The following THAP8 variants were observed in gnomAD, a reference collection of about 807,000 sequenced individuals.
The protein encoded by THAP8 is THAP domain containing 8, also known as THAP domain-containing protein 8.
Under a neutral mutation model 25.0 loss-of-function variants are expected in THAP8, and 24 were observed. The observed-to-expected ratio is 0.96, with a 90% CI of 0.69 to 1.35. The LOEUF (loss-of-function observed/expected upper bound fraction) is 1.35, where lower values mean the gene tolerates loss of function less well. THAP8 is among the 40% of genes most tolerant of loss of function. The pLI is 0.00. For missense variants in THAP8, 399 were observed against 368.8 expected (o/e 1.08, Z -0.67); for synonymous variants, 169 against 157.6 (o/e 1.07, Z -0.54).
intron 1 of THAP8, among the ~76,000 whole-genome samples, chr19:36,048,842 A>T (rs1214366530): frequency 4.3e-5 from 3 of 69,186 alleles, no homozygotes; most frequent in South Asian, 8.8e-4. Flanking sequence ...CCCCTTCTTT[A>T]AAAAAAAAAA....
chr19:36,050,934 G>T (rs1046958386), intron 1 of THAP8, among the ~76,000 whole-genome samples: 1 of 152,176 alleles, frequency 6.6e-6, no homozygotes, highest in African/African-American at 2.4e-5. Context: ...CCTACTATGT[G>T]CCAGGCAATA....
At chr19:36,052,582 A>G (rs1325129457) in intron 1 of THAP8, among the ~76,000 whole-genome samples, 1 of 152,238 alleles carries the variant, frequency 6.6e-6, no homozygotes, top group African/African-American at 2.4e-5. Context: ...AGATTGCCTC[A>G]AAGCAAATCA....
At chr19:36,036,016 A>G (rs1004394806) in intron 3 of THAP8, among the ~76,000 whole-genome samples, 1 of 152,094 alleles carries the variant, frequency 6.6e-6, no homozygotes, top group Non-Finnish European at 1.5e-5. Flanking sequence ...GGGATAGATG[A>G]GTAGGAGACA....
upstream of THAP8, chr19:36,054,441 A>G: frequency 1.6e-6 from 1 of 606,186 alleles, no homozygotes; most frequent in Non-Finnish European, 2.9e-6. Context: ...CATAGCGAGT[A>G]CTGTGCACCT....
At chr19:36,039,253 C>T in intron 3 of THAP8, 70 bp downstream of exon 3, 1 of 1,395,284 alleles carries the variant, frequency 7.2e-7, no homozygotes, top group Non-Finnish European at 9.3e-7. Flanking sequence ...GGATCCTAGA[C>T]AAAATGAAAA....
Position 36,039,678 on chromosome 19 carries a change from G to A in THAP8, c.317C>T (p.Pro106Leu), listed in dbSNP as rs980689276. The A allele has an allele frequency of 5.2e-5, 79 of 1,525,770 alleles. No homozygotes were observed. Among genetic ancestry groups the A allele is most frequent in the East Asian group, 1.7e-4 (7 of 40,760 alleles). 94.5% of individuals were successfully genotyped at this position (1,525,770 alleles called of 1,614,324 possible). A position where few individuals can be genotyped will look rare whatever the true frequency, so the allele number is the denominator to read the frequency against. Reference protein sequence around the residue: ...RTRSTQKPVSPPPPLQKNTPL... With the variant: ...RTRSTQKPVSLPPPLQKNTPL... ...TGTATTCTTCTGTAGGGGAGGCGGC[G>A]GCGAGACTGGCTTCTGGGTGCTTCG... Residue 106 changes from proline to leucine, a missense_variant, in exon 3 of 4, where the codon CCG becomes CTG. Transcript: ENST00000292894.
At chr19:36,043,027 C>T (rs1312869435) in intron 1 of THAP8, among the ~76,000 whole-genome samples, 2 of 152,074 alleles carry the variant, frequency 1.3e-5, no homozygotes, top group African/African-American at 4.8e-5. Context: ...CCCCTGGGTT[C>T]AAGCGACTCT....
chr19:36,040,137 C>A lies in THAP8; in HGVS notation c.84-1G>T. The A allele has an allele frequency of 6.2e-7, 1 of 1,600,776 alleles. No homozygotes were observed. The highest frequency in any genetic ancestry group is 1.1e-5 in the South Asian group (1 of 90,814). ...CCGGGGACCATCCTTCAGTGGGAAC[C>A]TGCATGGGTGGTTGGGGGGCTGGGT... On this transcript the variant is annotated splice_acceptor_variant, in intron 1 of 3. Transcript: ENST00000292894. LOFTEE classifies it high-confidence loss of function.
chr19:36,052,739 T>C (rs2145463924), intron 1 of THAP8, among the ~76,000 whole-genome samples: 1 of 152,340 alleles, frequency 6.6e-6, no homozygotes, highest in African/African-American at 2.4e-5. Flanking sequence ...AGGGACTGCT[T>C]TTCTGTGTCA....
intron 1 of THAP8, among the ~76,000 whole-genome samples, chr19:36,053,911 C>G (rs573381761): frequency 6.6e-6 from 1 of 152,114 alleles, no homozygotes; most frequent in Non-Finnish European, 1.5e-5. Context: ...CACTCTTCGG[C>G]TCGCTTCGCT....
chr19:36,036,966 T>C (rs1341798278), intron 3 of THAP8, among the ~76,000 whole-genome samples: 1 of 145,506 alleles, frequency 6.9e-6, no homozygotes, highest in Non-Finnish European at 1.5e-5. Context: ...AAAAATCGGA[T>C]ACTCCTTAAC....
At chr19:36,037,275 CA>C (rs1969496114) in intron 3 of THAP8, among the ~76,000 whole-genome samples, 2 of 147,158 alleles carry the variant, frequency 1.4e-5, no homozygotes, top group African/African-American at 2.5e-5. Flanking sequence ...CACACACACA[CA>C]CACCTTCCTC....
intron 1 of THAP8, among the ~76,000 whole-genome samples, chr19:36,050,749 T>C (rs1970032904): frequency 6.6e-6 from 1 of 152,184 alleles, no homozygotes. Context: ...CTCCAAGAAA[T>C]ACTCAAAAAG....
intron 3 of THAP8, among the ~76,000 whole-genome samples, chr19:36,036,248 G>A (rs1969437686): frequency 6.7e-6 from 1 of 149,738 alleles, no homozygotes; most frequent in African/African-American, 2.5e-5. Context: ...TGCTAGATAT[G>A]CAGAGCCTTC....
At chr19:36,050,937 A>C (rs1303492802) in intron 1 of THAP8, among the ~76,000 whole-genome samples, 1 of 152,236 alleles carries the variant, frequency 6.6e-6, no homozygotes, top group Non-Finnish European at 1.5e-5. Context: ...ACTATGTGCC[A>C]GGCAATATTC....
rs1467166519 is a variant in THAP8, at chr19:36,042,352, C to T, written c.84-2216G>A. 5.3e-5 allele frequency among the ~76,000 whole-genome samples: 8 copies of T among 152,264 alleles called. No individual in the cohort carries two copies. In the East Asian group the frequency reaches 1.5e-3, roughly 29 times the overall value. ...TGCGTTCGTAGCAACATAAATCAGGCCTGGCGTGGTGGCTCATGCCTGTAA... is the reference window on the plus strand; with the variant it reads ...TGCGTTCGTAGCAACATAAATCAGGTCTGGCGTGGTGGCTCATGCCTGTAA... On this transcript the variant is annotated intron_variant, in intron 1 of 3. Coordinates refer to ENST00000292894, the MANE Select transcript of THAP8 (RefSeq NM_152658.3).
chr19:36,053,316 C>T (rs940429171), intron 1 of THAP8, among the ~76,000 whole-genome samples: 1 of 143,836 alleles, frequency 7.0e-6, no homozygotes, highest in South Asian at 2.1e-4. Context: ...GATCTGCCCG[C>T]CTCGGCCTCC....
At chr19:36,054,440 T>A, upstream of THAP8, 1 of 608,036 alleles carries the variant, frequency 1.6e-6, no homozygotes, top group Non-Finnish European at 2.9e-6. Flanking sequence ...CCATAGCGAG[T>A]ACTGTGCACC....
chr19:36,043,506 GATCAA>G (rs1969773047), intron 1 of THAP8, among the ~76,000 whole-genome samples: 1 of 152,120 alleles, frequency 6.6e-6, no homozygotes, highest in South Asian at 2.1e-4. Flanking sequence ...TACACTTAAT[GATCAA>G]AATTGTACAC....
Sources: gnomAD v4.1 joint callset for allele counts (sites outside exome capture counted in the v4.1 genomes callset) on GRCh38, gnomAD v4.1.1 for gene constraint, MANE v1.5 for transcripts, NCBI Gene and HGNC (gene_info 2026-07-23, HGNC 2026-07-21) for gene names.